AP3B1: variants seen among roughly 807,000 people sequenced by gnomAD.
AP3B1 encodes AP-3 complex subunit beta-1.
AP3B1 carries 61 observed loss-of-function variants against 132.5 expected under a neutral mutation model. That is an observed-to-expected ratio of 0.46 (90% confidence interval 0.37 to 0.57). The LOEUF is 0.57. AP3B1 is among the 20% of genes least tolerant of loss of function. The pLI is 0.00. For missense variants in AP3B1, 1,120 were observed against 1,289.4 expected (o/e 0.87, Z 2.01); for synonymous variants, 388 against 438.3 (o/e 0.89, Z 1.43).
At chr5:78,160,103 CTATAA>C (rs1410566710) in intron 13 of AP3B1, among the ~76,000 whole-genome samples, 3 of 152,034 alleles carry the variant, frequency 2.0e-5, no homozygotes, top group Non-Finnish European at 4.4e-5. Flanking sequence ...TATGGGAAGA[CTATAA>C]TATATTTGTC....
At position 78,166,022 on chromosome 5, in the gene AP3B1, G is replaced by A. The variant is rs1462259204; in HGVS notation, c.1168-350C>T. 4.6e-5 allele frequency among the ~76,000 whole-genome samples: 7 copies of A among 151,132 alleles called. No homozygotes were observed. In the South Asian group the frequency reaches 1.5e-3, roughly 31 times the overall value. On this transcript the variant is annotated intron_variant, in intron 11 of 26. Transcript: ENST00000255194. ...GAACCCAGGAGGCAGAGGTTGCAGT[G>A]AGCAGGAGAATTGCTGGAACCCAGG...
At chr5:78,256,590 T>C (rs931572294) in intron 2 of AP3B1, among the ~76,000 whole-genome samples, 2 of 152,006 alleles carry the variant, frequency 1.3e-5, no homozygotes, top group Admixed American at 1.3e-4. Context: ...CTACCAAACA[T>C]TTAAAGAAGA....
chr5:78,092,473 A>ACTCTATG (rs1750565512), intron 21 of AP3B1, among the ~76,000 whole-genome samples: 1 of 152,042 alleles, frequency 6.6e-6, no homozygotes, highest in Admixed American at 6.6e-5. Flanking sequence ...AAACAAAGTG[A>ACTCTATG]CTCTATGGGG....
At chr5:78,285,667 T>A (rs375327862) in intron 1 of AP3B1, among the ~76,000 whole-genome samples, 1 of 151,532 alleles carries the variant, frequency 6.6e-6, no homozygotes, top group Non-Finnish European at 1.5e-5. Context: ...TTTCCCCCTT[T>A]AAAAAAAAAT....
intron 11 of AP3B1, among the ~76,000 whole-genome samples, chr5:78,174,853 T>C (rs544490037): frequency 1.3e-5 from 2 of 152,258 alleles, no homozygotes; most frequent in Non-Finnish European, 2.9e-5. Flanking sequence ...CAGTAGGCCT[T>C]GCTGAGCTGT....
At chr5:78,244,688 T>C (rs997902026) in intron 2 of AP3B1, among the ~76,000 whole-genome samples, 15 of 151,932 alleles carry the variant, frequency 9.9e-5, no homozygotes, top group African/African-American at 2.7e-4. Flanking sequence ...TGACAAGACA[T>C]AGTACAATCC....
At chr5:78,248,013 G>T (rs928006853) in intron 2 of AP3B1, among the ~76,000 whole-genome samples, 1 of 152,078 alleles carries the variant, frequency 6.6e-6, no homozygotes. Context: ...TCGTAAAAAT[G>T]CATCATAGGC....
intron 18 of AP3B1, among the ~76,000 whole-genome samples, chr5:78,114,825 C>T (rs1375299860): frequency 6.6e-6 from 1 of 152,180 alleles, no homozygotes; most frequent in Non-Finnish European, 1.5e-5. Context: ...AGACGGCTTA[C>T]AAGGGGTACA....
intron 6 of AP3B1, among the ~76,000 whole-genome samples, chr5:78,220,546 A>C (rs968194144): frequency 3.9e-5 from 6 of 152,102 alleles, no homozygotes; most frequent in Non-Finnish European, 7.4e-5. Flanking sequence ...AACGAAAATC[A>C]ACAACAGAAA....
chr5:78,256,416 A>G (rs1269752655), intron 2 of AP3B1, among the ~76,000 whole-genome samples: 1 of 152,164 alleles, frequency 6.6e-6, no homozygotes, highest in Non-Finnish European at 1.5e-5. Context: ...TGGAAAATCT[A>G]GAAGAAATGG....
At chr5:78,165,767 C>T (rs1424287314) in intron 11 of AP3B1, 95 bp from the exon 12 acceptor site, 1 of 942,200 alleles carries the variant, frequency 1.1e-6, no homozygotes, top group East Asian at 2.6e-5. Flanking sequence ...TTTATTTCTA[C>T]TTTTAAAAAT....
At chr5:78,293,159 G>A (rs979866094) in intron 1 of AP3B1, among the ~76,000 whole-genome samples, 10 of 152,328 alleles carry the variant, frequency 6.6e-5, no homozygotes, top group Non-Finnish European at 1.0e-4. Flanking sequence ...GATTACAGGC[G>A]TGAGCCGCAG....
At chr5:78,110,911 A>G (rs1751563408) in intron 19 of AP3B1, among the ~76,000 whole-genome samples, 1 of 151,704 alleles carries the variant, frequency 6.6e-6, no homozygotes, top group Admixed American at 6.6e-5. Flanking sequence ...GGCATGCACC[A>G]CCACATCCAG....
chr5:78,073,342 G>A (rs190577592), intron 22 of AP3B1, among the ~76,000 whole-genome samples: 6 of 152,236 alleles, frequency 3.9e-5, no homozygotes, highest in African/African-American at 1.4e-4. Context: ...GGGGAACAGT[G>A]GTAACAGAAG....
At chr5:78,000,782 A>G (rs1472092010), downstream of AP3B1, 1 of 152,196 alleles carries the variant, frequency 6.6e-6, no homozygotes, top group Non-Finnish European at 1.5e-5. Context: ...AACAATTTAA[A>G]GATAATCATG....
chr5:78,186,425 G>C (rs1744609304), intron 7 of AP3B1, among the ~76,000 whole-genome samples: 1 of 152,160 alleles, frequency 6.6e-6, no homozygotes, highest in Non-Finnish European at 1.5e-5. Flanking sequence ...AGGGGTTAAG[G>C]GTTGGGAGTA....
intron 22 of AP3B1, among the ~76,000 whole-genome samples, chr5:78,069,181 C>T (rs1749424523): frequency 6.6e-6 from 1 of 152,172 alleles, no homozygotes; most frequent in South Asian, 2.1e-4. Flanking sequence ...TGGAAGCATT[C>T]CCATTGAAAA....
chr5:78,183,636 G>A (rs374128489), intron 7 of AP3B1, among the ~76,000 whole-genome samples: 29 of 152,252 alleles, frequency 1.9e-4, no homozygotes, highest in African/African-American at 7.0e-4. Flanking sequence ...CTGGGAGGCC[G>A]AGGTGGGCAG....
At chr5:78,100,251 C>A (rs1024019087) in intron 21 of AP3B1, among the ~76,000 whole-genome samples, 2 of 152,124 alleles carry the variant, frequency 1.3e-5, no homozygotes, top group Admixed American at 6.5e-5. Context: ...TCACTCTCAG[C>A]ATAGAAAAAC....
Sources: gnomAD v4.1 joint callset for allele counts (sites outside exome capture counted in the v4.1 genomes callset) on GRCh38, gnomAD v4.1.1 for gene constraint, MANE v1.5 for transcripts, NCBI Gene and HGNC (gene_info 2026-07-23, HGNC 2026-07-21) for gene names.